PTK7: variants seen among roughly 807,000 people sequenced by gnomAD.
The protein encoded by PTK7 is inactive tyrosine-protein kinase 7.
Under a neutral mutation model 116.6 loss-of-function variants are expected in PTK7, and 39 were observed. The ratio of observed to expected loss-of-function variants is 0.33; its 90% CI spans 0.26 to 0.44. The LOEUF (loss-of-function observed/expected upper bound fraction) is 0.44. Among genes scored for constraint, PTK7 ranks in the 20% least tolerant of loss-of-function variants. The pLI is 1.00. For missense variants in PTK7, 1,169 were observed against 1,425.6 expected (o/e 0.82, Z 2.90); for synonymous variants, 546 against 563.6 (o/e 0.97, Z 0.44).
chr6:43,116,657 C>CGT (rs1768562542), intron 1 of PTK7, among the ~76,000 whole-genome samples: 3 of 116,428 alleles, frequency 2.6e-5, no homozygotes, highest in Non-Finnish European at 3.7e-5. Flanking sequence ...TGTGTGCGCG[C>CGT]GCACGCACGC....
chr6:43,160,869 C>T lies in PTK7; in HGVS notation c.3201C>T (p.Asp1067=), dbSNP rs1015532192. ...IASALGDSTV[D]SKP ...GCGCCCTGGGAGACAGCACCGTGGA[C>T]AGCAAGCCGTGAGGAGGGAGCCCGC... The change falls in exon 20 of 20, where the codon GAC becomes GAT. Residue 1067 remains aspartate (D), a synonymous_variant. Transcript: ENST00000230419. 1 of 1,613,932 alleles carries T rather than the reference C, an allele frequency of 6.2e-7. No individual in the cohort carries two copies. The highest frequency in any genetic ancestry group is 8.5e-7 in the Non-Finnish European group (1 of 1,180,004).
intron 7 of PTK7, among the ~76,000 whole-genome samples, chr6:43,134,372 C>A (rs749658751): frequency 3.3e-5 from 5 of 152,016 alleles, no homozygotes; most frequent in Non-Finnish European, 7.4e-5. Context: ...ACAGGCCAGG[C>A]GTGGTGGTTC....
intron 16 of PTK7, 51 bp from the exon 17 acceptor site, chr6:43,146,567 C>T: frequency 1.3e-6 from 2 of 1,556,364 alleles, no homozygotes; most frequent in Non-Finnish European, 1.8e-6. Flanking sequence ...TGAGGCTTTA[C>T]AGCCAATGGC....
chr6:43,098,239 ATTGG>A (rs1399199658), intron 1 of PTK7, among the ~76,000 whole-genome samples: 2 of 151,848 alleles, frequency 1.3e-5, no homozygotes, highest in Admixed American at 1.3e-4. Flanking sequence ...CTTCTTCTCC[ATTGG>A]TTAGTATGCC....
intron 1 of PTK7, among the ~76,000 whole-genome samples, chr6:43,118,001 AAAG>A (rs1219398683): frequency 1.2e-4 from 18 of 152,020 alleles, no homozygotes; most frequent in Admixed American, 2.0e-4. Flanking sequence ...TGGATTAAAA[AAAG>A]AAGAAGAAGA....
intron 19 of PTK7, 95 bp from the exon 20 acceptor site, chr6:43,160,626 T>C: frequency 2.7e-6 from 4 of 1,503,056 alleles, no homozygotes; most frequent in East Asian, 2.3e-5. Context: ...AGAGGCATCC[T>C]TGGGTGGCTG....
chr6:43,148,833 G>T (rs1770878309), intron 17 of PTK7, among the ~76,000 whole-genome samples: 2 of 151,882 alleles, frequency 1.3e-5, no homozygotes, highest in South Asian at 4.2e-4. Context: ...GGCCGAGGCG[G>T]GCAGATCACG....
chr6:43,118,749 ATGTGTGTGTG>A (rs58128834), intron 1 of PTK7, among the ~76,000 whole-genome samples: 6 of 118,736 alleles, frequency 5.1e-5, no homozygotes, highest in Admixed American at 2.7e-4. Context: ...ATGTGTGTGT[ATGTGTGTGTG>A]TGTGTGTGTG....
chr6:43,118,339 C>G (rs1768683496), intron 1 of PTK7, among the ~76,000 whole-genome samples: 1 of 151,840 alleles, frequency 6.6e-6, no homozygotes, highest in Non-Finnish European at 1.5e-5. Context: ...GAGTTCGAGA[C>G]CAGTCTGGCC....
Position 43,132,654 on chromosome 6 carries a change from C to G in PTK7, c.1195C>G (p.Gln399Glu). The G allele has an allele frequency of 6.4e-7, 1 of 1,572,998 alleles. No individual in the cohort carries two copies. The highest frequency in any genetic ancestry group is 8.6e-7 in the Non-Finnish European group (1 of 1,159,226). The change falls in exon 7 of 20, where the codon CAG (glutamine) becomes GAG (glutamate). Residue 399 changes from glutamine to glutamate, a missense_variant. This residue lies in a region of PTK7 where 487 missense variants were observed against 549.8 expected (regional missense o/e 0.89). Coordinates refer to ENST00000230419, the MANE Select transcript of PTK7 (RefSeq NM_002821.5). The part of the protein sequence containing the change: ...YTCHAANLAG[Q>E]RRQDVNITVA... ...CTGCCACGCGGCCAACCTGGCTGGT[C>G]AGCGGAGACAGGATGTCAACATCAC...
chr6:43,148,835 CAGA>C (rs1770878883), intron 17 of PTK7, among the ~76,000 whole-genome samples: 2 of 148,784 alleles, frequency 1.3e-5, no homozygotes, highest in South Asian at 4.3e-4. Flanking sequence ...CCGAGGCGGG[CAGA>C]TCACGAGGTC....
chr6:43,144,587 G>A lies in PTK7; in HGVS notation c.2388G>A (p.Leu796=). 6.2e-7 allele frequency: 1 copy of A among 1,612,724 alleles called. No homozygotes were observed. ...SDKMHFPRSS[L]QPITTLGKSE... ...AGATGCACTTCCCACGGTCTAGCCT[G>A]CAGCCCATCACCACGCTGGGTATGT... The change falls in exon 15 of 20, where the codon CTG becomes CTA. Residue 796 remains leucine, a synonymous_variant. Transcript: ENST00000230419.
intron 17 of PTK7, among the ~76,000 whole-genome samples, chr6:43,153,116 A>T (rs1771226085): frequency 6.8e-6 from 1 of 147,258 alleles, no homozygotes. Context: ...TTATTTATTT[A>T]TTTATTTATT....
rs1771833722 is a variant in PTK7, at chr6:43,161,344, G to C, written c.*463G>C. 5.9e-6 allele frequency: 1 copy of C among 169,164 alleles called. No homozygotes were observed. Among genetic ancestry groups the C allele is most frequent in the Non-Finnish European group, 1.3e-5 (1 of 77,540 alleles). 10.5% of individuals were successfully genotyped at this position (169,164 alleles called of 1,614,324 possible). ...CTTGGCCCACTGGTCCCACTTGGGG[G>C]TCTAGACCAGGATTATAGAGGACAC... On this transcript the variant is annotated 3_prime_UTR_variant, in exon 20 of 20. Transcript: ENST00000230419.
chr6:43,119,839 G>A (rs1320815143), intron 1 of PTK7, among the ~76,000 whole-genome samples: 3 of 152,124 alleles, frequency 2.0e-5, no homozygotes, highest in South Asian at 2.1e-4. Context: ...GGCCAGATCC[G>A]TTCCCAGACA....
At position 43,143,288 on chromosome 6, in the gene PTK7, A is replaced by AGTGAAG; in HGVS notation, c.2048-125_2048-120dup. 1 of 833,488 alleles carries AGTGAAG rather than the reference A, an allele frequency of 1.2e-6. No homozygotes were observed. The highest frequency in any genetic ancestry group is 1.9e-6 in the Non-Finnish European group (1 of 532,264). 51.6% of individuals were successfully genotyped at this position (833,488 alleles called of 1,614,324 possible). On this transcript the variant is annotated intron_variant, in intron 13 of 19. Coordinates refer to ENST00000230419, the MANE Select transcript of PTK7 (RefSeq NM_002821.5). This position sits in a 1 kb window ranked among gnomAD's most constrained non-coding sequence, Gnocchi z 4.2. The stretch of plus-strand genomic sequence containing the variant: ...GGACCTGCTGGCCCTTGTTAAAGCC[A>AGTGAAG]GTGAAGGTGGTGACCCTCCCGGGCC...
chr6:43,076,789 G>T lies in PTK7; in HGVS notation c.79+222G>T. The T allele has an allele frequency of 7.1e-7, 1 of 1,406,296 alleles. No individual in the cohort carries two copies. The highest frequency in any genetic ancestry group is 1.5e-5 in the South Asian group (1 of 65,066). 87.1% of individuals were successfully genotyped at this position (1,406,296 alleles called of 1,614,324 possible). ...CGGTCAGGGTACCCCTCCCACTCGC[G>T]CCGCGGGGACGCATTTCCAGCCTCC... On this transcript the variant is annotated intron_variant, in intron 1 of 19. Coordinates refer to ENST00000230419, the MANE Select transcript of PTK7 (RefSeq NM_002821.5). The surrounding 1 kb of genome is among the most constrained non-coding windows in gnomAD (Gnocchi z 5.7).
intron 1 of PTK7, among the ~76,000 whole-genome samples, chr6:43,099,030 T>C (rs1489681144): frequency 6.6e-6 from 1 of 152,016 alleles, no homozygotes; most frequent in East Asian, 1.9e-4. Flanking sequence ...CGATTATTAA[T>C]TTTCTTTTGA....
At chr6:43,089,440 A>G (rs1766827913) in intron 1 of PTK7, among the ~76,000 whole-genome samples, 1 of 152,222 alleles carries the variant, frequency 6.6e-6, no homozygotes, top group African/African-American at 2.4e-5. Context: ...CTAGGATGGC[A>G]TTTGAGATCC....
Sources: allele counts gnomAD v4.1 joint callset (sites outside exome capture counted in the v4.1 genomes callset), GRCh38; gene constraint gnomAD v4.1.1; regional missense constraint gnomAD v4.1.1; non-coding constraint Gnocchi (gnomAD v3.1); transcripts MANE v1.5; gene names NCBI Gene and HGNC (gene_info 2026-07-23, HGNC 2026-07-21).